CSNK2A2: variants seen among roughly 807,000 people sequenced by gnomAD.
The protein encoded by CSNK2A2 is casein kinase II subunit alpha'.
CSNK2A2 carries 8 observed loss-of-function variants against 54.0 expected under a neutral mutation model. The observed-to-expected ratio is 0.15, with a 90% CI of 0.09 to 0.27. The LOEUF (loss-of-function observed/expected upper bound fraction) is 0.27. CSNK2A2 is among the 10% of genes least tolerant of loss of function. The pLI is 1.00. For missense variants in CSNK2A2, 242 were observed against 439.4 expected, an observed-to-expected ratio of 0.55 and a Z score of 4.02; for synonymous variants, 141 against 153.9, an observed-to-expected ratio of 0.92 and a Z score of 0.62.
chr16:58,191,032 T>C (rs1344807993), intron 2 of CSNK2A2, among the ~76,000 whole-genome samples: 1 of 152,216 alleles, frequency 6.6e-6, no homozygotes, highest in African/African-American at 2.4e-5. Context: ...AATGGAAAAT[T>C]ATGTAGCCTT....
chr16:58,178,282 G>GC (rs983206023), intron 4 of CSNK2A2, among the ~76,000 whole-genome samples: 1 of 149,950 alleles, frequency 6.7e-6, no homozygotes, highest in Non-Finnish European at 1.5e-5. Flanking sequence ...CTCTTGAGGC[G>GC]CTTTTTTTTT....
chr16:58,173,264 G>T (rs1362218524), intron 5 of CSNK2A2, among the ~76,000 whole-genome samples: 2 of 152,214 alleles, frequency 1.3e-5, no homozygotes, highest in African/African-American at 4.8e-5. Flanking sequence ...TTAGCCATAA[G>T]AGTGAACCTT....
chr16:58,165,265 T>A (rs1961532571), intron 10 of CSNK2A2, among the ~76,000 whole-genome samples: 1 of 152,240 alleles, frequency 6.6e-6, no homozygotes, highest in Admixed American at 6.5e-5. Flanking sequence ...CACACAAATA[T>A]ATGTATGTTT....
At position 58,183,854 on chromosome 16, in the gene CSNK2A2, G is replaced by A. The variant is rs182127500; in HGVS notation, c.369+406C>T. Among the ~76,000 whole-genome samples the A allele has an allele frequency of 1.1e-3, 174 of 152,256 alleles. 2 individuals carry two copies. The highest frequency in any genetic ancestry group is 0.01 in the Admixed American group (156 of 15,288). On this transcript the variant is annotated intron_variant, in intron 4 of 11. Transcript: ENST00000262506. ...CGTCACGTGCGCAAACACACACTTT[G>A]TTATTTGACAGCACTGAATCCAATG...
At chr16:58,183,755 A>G (rs1962123734) in intron 4 of CSNK2A2, among the ~76,000 whole-genome samples, 1 of 152,184 alleles carries the variant, frequency 6.6e-6, no homozygotes, top group African/African-American at 2.4e-5. Context: ...AATTTACATT[A>G]TAAGAAAATG....
chr16:58,196,618 ATAAAT>A (rs908061414), intron 2 of CSNK2A2, 110 bp downstream of exon 2: 1 of 760,012 alleles, frequency 1.3e-6, no homozygotes, highest in Non-Finnish European at 2.4e-6. Context: ...CTCTAAACAA[ATAAAT>A]TAAATTAAAT....
At chr16:58,190,538 G>A (rs1962300273) in intron 2 of CSNK2A2, among the ~76,000 whole-genome samples, 1 of 152,096 alleles carries the variant, frequency 6.6e-6, no homozygotes, top group Non-Finnish European at 1.5e-5. Context: ...TATTATCTGA[G>A]CAATGTTATT....
At chr16:58,159,904 G>T (rs1314864949) in intron 11 of CSNK2A2, 2 of 151,956 alleles carry the variant, frequency 1.3e-5, no homozygotes, top group South Asian at 4.2e-4. Flanking sequence ...ATTCAAAGTT[G>T]TTTTTTTTCT....
In CSNK2A2 at chr16:58,197,600, A is replaced by T; in HGVS notation, c.104+33T>A. ...GGGTGGCCGGGCGGGGGCAGGGATC[A>T]GCGGGCCCGGCGGGGGGCGGCGACG... On this transcript the variant is annotated intron_variant, in intron 1 of 11. Transcript: ENST00000262506. This position sits in a 1 kb window ranked among gnomAD's most constrained non-coding sequence, Gnocchi z 4.0. 1 of 1,442,972 alleles carries T rather than the reference A, an allele frequency of 6.9e-7. No individual in the cohort carries two copies. Among genetic ancestry groups the T allele is most frequent in the Non-Finnish European group, 9.4e-7 (1 of 1,062,992 alleles). 89.4% of individuals were successfully genotyped at this position (1,442,972 alleles called of 1,614,324 possible). A position where few individuals can be genotyped will look rare whatever the true frequency, so the allele number is the denominator to read the frequency against.
At position 58,184,269 on chromosome 16, in the gene CSNK2A2, T is replaced by G; in HGVS notation, c.360A>C (p.Thr120=). 6.2e-7 allele frequency: 1 copy of G among 1,603,010 alleles called. No homozygotes were observed. Among genetic ancestry groups the G allele is most frequent in the Non-Finnish European group, 8.5e-7 (1 of 1,172,768 alleles). Residue 120 remains threonine, a synonymous_variant, in exon 4 of 12, where the codon ACA becomes ACC. Transcript: ENST00000262506. ...PALVFEYINN[T]DFKQLYQILT... ...AGAAAAGCATACGCACCTTAAAATC[T>G]GTATTATTGATATATTCAAATACCA...
chr16:58,191,371 A>AC (rs1962317192), intron 2 of CSNK2A2, among the ~76,000 whole-genome samples: 1 of 150,964 alleles, frequency 6.6e-6, no homozygotes, highest in South Asian at 2.1e-4. Flanking sequence ...ATTTTATTTT[A>AC]TTTTTTTTTA....
chr16:58,173,864 A>G (rs1287618928), intron 5 of CSNK2A2, among the ~76,000 whole-genome samples: 2 of 152,186 alleles, frequency 1.3e-5, no homozygotes, highest in African/African-American at 4.8e-5. Flanking sequence ...ATTAGCAAAT[A>G]TGACACAGGT....
intron 5 of CSNK2A2, 139 bp downstream of exon 5, chr16:58,174,312 C>A (rs1961819720): frequency 6.8e-6 from 4 of 590,268 alleles, no homozygotes; most frequent in African/African-American, 2.0e-5. Context: ...TCGATGGAGG[C>A]CTCAATATAA....
intron 2 of CSNK2A2, 36 bp downstream of exon 2, chr16:58,196,697 G>T: frequency 7.3e-7 from 1 of 1,370,550 alleles, no homozygotes; most frequent in Non-Finnish European, 1.0e-6. Context: ...GCCCTGTGGG[G>T]AGGAAAATGT....
intron 2 of CSNK2A2, among the ~76,000 whole-genome samples, chr16:58,194,797 C>T (rs2550364): frequency 0.57 from 86,233 of 151,974 alleles, 24,732 homozygotes; most frequent in East Asian, 0.76. Context: ...TCCTAACATA[C>T]GCCAAGAATC....
intron 11 of CSNK2A2, 24 bp from the exon 12 acceptor site, chr16:58,158,377 GAA>G (rs1051095925): frequency 6.5e-6 from 1 of 152,744 alleles, no homozygotes; most frequent in East Asian, 1.9e-4. Flanking sequence ...CGGGAGGAGG[GAA>G]AGACGTCATT....
Position 58,186,803 on chromosome 16 carries a change from A to G in CSNK2A2, c.270T>C (p.Arg90=). The G allele has an allele frequency of 6.2e-7, 1 of 1,614,154 alleles. No homozygotes were observed. The highest frequency in any genetic ancestry group is 1.6e-4 in the Middle Eastern group (1 of 6,062). ...KREVKILENL[R]GGTNIIKLID... ...TCAGCTTAATGATATTTGTTCCACC[A>G]CGAAGGTTCTCCAGAATCTTAACCT... The change falls in exon 3 of 12, where the codon CGT becomes CGC. Residue 90 remains arginine (R), a synonymous_variant. Transcript: ENST00000262506.
intron 9 of CSNK2A2, 92 bp from the exon 10 acceptor site, chr16:58,165,800 A>G: frequency 7.4e-7 from 1 of 1,347,892 alleles, no homozygotes; most frequent in Non-Finnish European, 1.0e-6. Flanking sequence ...TCTCAGAATA[A>G]TGTACTGATT....
chr16:58,185,209 A>C lies in CSNK2A2; in HGVS notation c.319-899T>G, dbSNP rs1413027062. Among the ~76,000 whole-genome samples the C allele has an allele frequency of 2.6e-5, 4 of 152,198 alleles. No homozygotes were observed. In the East Asian group the frequency reaches 7.7e-4, roughly 29 times the overall value. On this transcript the variant is annotated intron_variant, in intron 3 of 11. Transcript: ENST00000262506. ...AAGAACCATGTGAAAGTTACCTAGGAAACAGGCCACAGGGCAGCATGCAGA... is the reference window on the plus strand; with the variant it reads ...AAGAACCATGTGAAAGTTACCTAGGCAACAGGCCACAGGGCAGCATGCAGA...
Sources: allele counts gnomAD v4.1 joint callset (sites outside exome capture counted in the v4.1 genomes callset), GRCh38; gene constraint gnomAD v4.1.1; non-coding constraint Gnocchi (gnomAD v3.1); transcripts MANE v1.5; gene names NCBI Gene and HGNC (gene_info 2026-07-23, HGNC 2026-07-21).